The following ZNF431 variants were observed in gnomAD, a reference collection of about 807,000 sequenced individuals.
ZNF431 encodes zinc finger protein 431.
In ZNF431, 34 loss-of-function variants were observed where a neutral mutation model predicts 57.0. That is an observed-to-expected ratio of 0.60 (90% confidence interval 0.45 to 0.79). The LOEUF (loss-of-function observed/expected upper bound fraction) is 0.79, where lower values mean the gene tolerates loss of function less well. Ranked by LOEUF, ZNF431 falls within the 30% of genes least tolerant of loss-of-function variation. The probability of loss-of-function intolerance (pLI) is 0.00; values close to 1 mark genes in which losing one functional copy is unlikely to be tolerated. For missense variants in ZNF431, 607 were observed against 667.1 expected, an observed-to-expected ratio of 0.91 and a Z score of 0.99; for synonymous variants, 207 against 220.3, an observed-to-expected ratio of 0.94 and a Z score of 0.54.
intron 2 of ZNF431, among the ~76,000 whole-genome samples, chr19:21,152,943 TAGCAAGTTAATGA>T (rs1483469638): frequency 6.6e-6 from 1 of 152,220 alleles, no homozygotes; most frequent in Non-Finnish European, 1.5e-5. Context: ...CGTAAAGTGA[TAGCAAGTTAATGA>T]AGAAAGTAAG....
intron 4 of ZNF431, among the ~76,000 whole-genome samples, chr19:21,173,336 G>A (rs558897663): frequency 1.3e-5 from 2 of 152,206 alleles, no homozygotes; most frequent in East Asian, 3.9e-4. Flanking sequence ...TAATTCCATT[G>A]TTAATTATTT....
chr19:21,159,658 A>G (rs1970519749), intron 2 of ZNF431, among the ~76,000 whole-genome samples: 1 of 152,124 alleles, frequency 6.6e-6, no homozygotes, highest in Non-Finnish European at 1.5e-5. Flanking sequence ...GGCATGAGCC[A>G]CTGCACCTGG....
rs566945295 is a variant in ZNF431 at position 21,184,148 on chromosome 19, G to T, written c.*114G>T. On this transcript the variant is annotated 3_prime_UTR_variant, in exon 5 of 5. Transcript: ENST00000311048. ...GGGTGGATCACAAGGTCAAGAGATCGAGACCATCCTGGCCAACATGGTGAA... is the reference window on the plus strand; with the variant it reads ...GGGTGGATCACAAGGTCAAGAGATCTAGACCATCCTGGCCAACATGGTGAA... 2.5e-4 allele frequency: 219 copies of T among 890,164 alleles called. 2 individuals are homozygous for T. The African/African-American group carries it at 3.5e-3, about 14-fold the overall frequency. 55.1% of individuals were successfully genotyped at this position (890,164 alleles called of 1,614,324 possible).
intron 4 of ZNF431, among the ~76,000 whole-genome samples, chr19:21,171,759 C>T (rs1197466720): frequency 2.3e-5 from 3 of 133,272 alleles, no homozygotes; most frequent in African/African-American, 8.7e-5. Flanking sequence ...CTCGCCTTTT[C>T]GCCCAGGCTG....
intron 2 of ZNF431, among the ~76,000 whole-genome samples, chr19:21,155,399 T>G (rs1970392019): frequency 1.3e-5 from 2 of 152,204 alleles, no homozygotes; most frequent in Non-Finnish European, 2.9e-5. Flanking sequence ...TTGGTACCAG[T>G]ACCATGCTGT....
intron 2 of ZNF431, among the ~76,000 whole-genome samples, chr19:21,156,917 T>A (rs2144961062): frequency 6.6e-6 from 1 of 152,130 alleles, no homozygotes; most frequent in East Asian, 1.9e-4. Context: ...TGGGACTACA[T>A]CCATGCACCA....
At chr19:21,150,320 C>T in intron 2 of ZNF431, 1 of 428,574 alleles carries the variant, frequency 2.3e-6, no homozygotes, top group South Asian at 2.0e-5. Context: ...CTGCCCAGTG[C>T]CACAATTCTT....
At position 21,193,167 on chromosome 19, in the gene ZNF431, C is replaced by A. The variant is rs1001464258; in HGVS notation, c.*9133C>A. ...CATATACAGAGATGAGCTGGTATTA[C>A]TTCTACTGAATGTATTACTGAATGT... is the stretch of plus-strand genomic sequence containing the variant. On this transcript the variant is annotated 3_prime_UTR_variant, in exon 5 of 5. Coordinates refer to ENST00000311048, the MANE Select transcript of ZNF431 (RefSeq NM_133473.4). 8 of 152,188 alleles carry A rather than the reference C, an allele frequency of 5.3e-5. No individual in the cohort carries two copies. The highest frequency in any genetic ancestry group is 1.9e-4 in the African/African-American group (8 of 41,448). 9.4% of individuals were successfully genotyped at this position (152,188 alleles called of 1,614,324 possible).
intron 2 of ZNF431, among the ~76,000 whole-genome samples, chr19:21,164,420 A>G (rs8101918): frequency 0.74 from 112,729 of 151,890 alleles, 42,823 homozygotes; most frequent in Middle Eastern, 0.86. Context: ...GGCAGATCAT[A>G]TTTTTATTTC....
rs1052801132 is a variant in ZNF431, at chr19:21,187,573, A to G, written c.*3539A>G. 9 of 151,978 alleles carry G rather than the reference A, an allele frequency of 5.9e-5. No individual in the cohort carries two copies. Among genetic ancestry groups the G allele is most frequent in the Admixed American group, 2.0e-4 (3 of 15,236 alleles). The allele number at this position is 151,978 out of a possible 1,614,324, so 9.4% of individuals were successfully genotyped here. A position where few individuals can be genotyped will look rare whatever the true frequency, so the allele number is the denominator to read the frequency against. Reference sequence around the variant, plus strand: ...ACCAACATGGAGAAACTCCATCTCTACTAAAAAATACAAAATTAGCCCGGT... The same window carrying G: ...ACCAACATGGAGAAACTCCATCTCTGCTAAAAAATACAAAATTAGCCCGGT... On this transcript the variant is annotated 3_prime_UTR_variant, in exon 5 of 5. Transcript: ENST00000311048.
At position 21,193,036 on chromosome 19, in the gene ZNF431, AG is replaced by A. The variant is rs1259910580; in HGVS notation, c.*9005del. On this transcript the variant is annotated 3_prime_UTR_variant, in exon 5 of 5. Coordinates refer to ENST00000311048, the MANE Select transcript of ZNF431 (RefSeq NM_133473.4). ...CCAGGAAGGAACAGAACTCTTGAAC[AG>A]GGCAAAAATGTATAAAATATATAAT... The A allele has an allele frequency of 6.6e-6, 1 of 152,232 alleles. No homozygotes were observed. The highest frequency in any genetic ancestry group is 2.4e-5 in the African/African-American group (1 of 41,454). 9.4% of individuals were successfully genotyped at this position (152,232 alleles called of 1,614,324 possible). A position where few individuals can be genotyped will look rare whatever the true frequency, so the allele number is the denominator to read the frequency against.
Position 21,189,957 on chromosome 19 carries a change from A to G in ZNF431, c.*5923A>G, listed in dbSNP as rs1411048706. Reference sequence around the variant, plus strand: ...CCAGGAGTTTGAGACCAGCCTGGACAACGTGGAAAAACCCCATCTCTACTA... The same window carrying G: ...CCAGGAGTTTGAGACCAGCCTGGACGACGTGGAAAAACCCCATCTCTACTA... On this transcript the variant is annotated 3_prime_UTR_variant, in exon 5 of 5. Coordinates refer to ENST00000311048, the MANE Select transcript of ZNF431 (RefSeq NM_133473.4). 2.5e-6 allele frequency: 1 copy of G among 397,736 alleles called. No individual in the cohort carries two copies. The highest frequency in any genetic ancestry group is 4.4e-6 in the Non-Finnish European group (1 of 226,002). 24.6% of individuals were successfully genotyped at this position (397,736 alleles called of 1,614,324 possible).
intron 2 of ZNF431, among the ~76,000 whole-genome samples, chr19:21,158,086 A>G (rs1970470189): frequency 6.6e-6 from 1 of 152,158 alleles, no homozygotes; most frequent in Non-Finnish European, 1.5e-5. Flanking sequence ...TGGTAGTTTG[A>G]TACAAATAGC....
chr19:21,183,252 A>C lies in ZNF431; in HGVS notation c.949A>C (p.Lys317Gln), dbSNP rs1321252478. Residue 317 changes from lysine (K) to glutamine (Q), a missense_variant, in exon 5 of 5, where the codon AAA becomes CAA. Physicochemically the swap from Lys to Gln is moderately conservative, Grantham distance 53 (BLOSUM62 1). Coordinates refer to ENST00000311048, the MANE Select transcript of ZNF431 (RefSeq NM_133473.4). ...KIIHTGEKPYKCEECGKAFNQ... is the reference protein window; with the variant it reads ...KIIHTGEKPYQCEECGKAFNQ... ...AATTCATACTGGAGAGAAGCCCTAC[A>C]AATGTGAAGAATGTGGCAAAGCTTT... The C allele has an allele frequency of 1.9e-6, 3 of 1,613,674 alleles. No individual in the cohort carries two copies. The highest frequency in any genetic ancestry group is 4.5e-5 in the East Asian group (2 of 44,824).
chr19:21,156,539 A>G (rs1486525944), intron 2 of ZNF431, among the ~76,000 whole-genome samples: 1 of 151,968 alleles, frequency 6.6e-6, no homozygotes, highest in Non-Finnish European at 1.5e-5. Flanking sequence ...TGCATTCTCA[A>G]CTAGGCCTCA....
At position 21,191,124 on chromosome 19, in the gene ZNF431, A is replaced by G. The variant is rs1971501984; in HGVS notation, c.*7090A>G. 6.6e-6 allele frequency: 1 copy of G among 151,914 alleles called. No individual in the cohort carries two copies. Among genetic ancestry groups the G allele is most frequent in the Non-Finnish European group, 1.5e-5 (1 of 68,004 alleles). 9.4% of individuals were successfully genotyped at this position (151,914 alleles called of 1,614,324 possible). A position where few individuals can be genotyped will look rare whatever the true frequency, so the allele number is the denominator to read the frequency against. ...TTTTTAATTTGAAGTGATCTGACTT[A>G]TTTTTCCTTTTGTGTCCTGGGATGT... On this transcript the variant is annotated 3_prime_UTR_variant, in exon 5 of 5. Transcript: ENST00000311048.
Position 21,183,024 on chromosome 19 carries a change from T to C in ZNF431, c.721T>C (p.Phe241Leu). The change falls in exon 5 of 5, where the codon TTT (phenylalanine) becomes CTT (leucine). Residue 241 changes from phenylalanine to leucine, a missense_variant. Transcript: ENST00000311048. ...SYQCEECGKAFKWFSTLTRHK... is the reference protein window; with the variant it reads ...SYQCEECGKALKWFSTLTRHK... ...CCAATGTGAAGAATGTGGCAAAGCT[T>C]TTAAATGGTTCTCAACCCTTACTAG... The C allele has an allele frequency of 6.2e-7, 1 of 1,614,124 alleles. No individual in the cohort carries two copies. Among genetic ancestry groups the C allele is most frequent in the Non-Finnish European group, 8.5e-7 (1 of 1,179,964 alleles).
chr19:21,164,338 G>A (rs1970659364), intron 2 of ZNF431, among the ~76,000 whole-genome samples: 1 of 152,076 alleles, frequency 6.6e-6, no homozygotes, highest in South Asian at 2.1e-4. Context: ...TTCCATTACT[G>A]TAGCAGAATT....
At chr19:21,166,500 A>G (rs1297069155) in intron 3 of ZNF431, 39 bp downstream of exon 3, 2 of 1,560,392 alleles carry the variant, frequency 1.3e-6, no homozygotes, top group Non-Finnish European at 1.7e-6. Flanking sequence ...AATATGCCCT[A>G]AATGTTTCAT....
Sources: gnomAD v4.1 joint callset for allele counts (sites outside exome capture counted in the v4.1 genomes callset) on GRCh38, gnomAD v4.1.1 for gene constraint, MANE v1.5 for transcripts, NCBI Gene and HGNC (gene_info 2026-07-23, HGNC 2026-07-21) for gene names.